The following PCDH11X variants were observed in gnomAD, a reference collection of about 807,000 sequenced individuals.
The protein encoded by PCDH11X is protocadherin 11 X-linked, also known as protocadherin-11 X-linked.
Under a neutral mutation model 53.3 loss-of-function variants are expected in PCDH11X, and 18 were observed. The ratio of observed to expected loss-of-function variants is 0.34; its 90% CI spans 0.23 to 0.50. The LOEUF is 0.50. PCDH11X is among the 20% of genes least tolerant of loss of function. The probability of loss-of-function intolerance (pLI) is 0.98; values close to 1 mark genes in which losing one functional copy is unlikely to be tolerated. For synonymous variants in PCDH11X, 279 were observed against 393.3 expected (o/e 0.71, Z 3.44); for missense variants, 570 against 1,032.4 (o/e 0.55, Z 6.14).
At chrX:92,036,902 A>G (rs34278590) in intron 6 of PCDH11X, among the ~76,000 whole-genome samples, 39,491 of 110,185 alleles carry the variant, frequency 0.36, 7,243 homozygotes, top group African/African-American at 0.67. Context: ...TGAGGAACTT[A>G]TTGGGAACTG....
At chrX:92,102,953 C>T (rs1322195150) in intron 6 of PCDH11X, among the ~76,000 whole-genome samples, 2 of 111,416 alleles carry the variant, frequency 1.8e-5, no homozygotes, top group Non-Finnish European at 3.8e-5. Flanking sequence ...TGTTAACAGG[C>T]TTTAATCCTT....
intron 10 of PCDH11X, among the ~76,000 whole-genome samples, chrX:92,561,997 A>C: frequency 9.3e-6 from 1 of 107,728 alleles, no homozygotes; most frequent in Admixed American, 1.0e-4. Flanking sequence ...TGAGTAATTT[A>C]TAAAGAGAAG....
intron 10 of PCDH11X, among the ~76,000 whole-genome samples, chrX:92,472,898 T>A (rs2073297584): frequency 9.0e-6 from 1 of 110,924 alleles, no homozygotes; most frequent in South Asian, 3.8e-4. Flanking sequence ...TGAATAGGCA[T>A]CTGTTTGTGG....
intron 8 of PCDH11X, among the ~76,000 whole-genome samples, chrX:92,299,146 A>G (rs1209221554): frequency 9.0e-6 from 1 of 111,258 alleles, no homozygotes; most frequent in Non-Finnish European, 1.9e-5. Context: ...CATACTCCCA[A>G]TAAAACTTAT....
chrX:92,248,358 G>A (rs1050875619), intron 7 of PCDH11X, among the ~76,000 whole-genome samples: 1 of 111,760 alleles, frequency 8.9e-6, no homozygotes, highest in Non-Finnish European at 1.9e-5. Context: ...TATATAACTA[G>A]TCTTTAATTA....
In PCDH11X at chrX:91,810,170, T is replaced by A. The variant is rs758258191; in HGVS notation, c.-209-303T>A. On this transcript the variant is annotated intron_variant, in intron 2 of 10. Transcript: ENST00000682573. ...CTTTTCAAAAATTTTAATAGCTTAT[T>A]CCCTGTTAAAGCTAAGAAATACCTT... Among the ~76,000 whole-genome samples, 21 of 111,055 alleles carry A rather than the reference T, an allele frequency of 1.9e-4. No homozygotes were observed. The South Asian group carries it at 8.1e-3, about 43-fold the overall frequency.
At chrX:91,843,714 A>G (rs1452224461) in intron 5 of PCDH11X, among the ~76,000 whole-genome samples, 1 of 110,520 alleles carries the variant, frequency 9.0e-6, no homozygotes. Flanking sequence ...AGAAAAGTTA[A>G]AATTTTATAT....
chrX:92,227,882 T>G, intron 7 of PCDH11X, among the ~76,000 whole-genome samples: 1 of 111,327 alleles, frequency 9.0e-6, no homozygotes, highest in Non-Finnish European at 1.9e-5. Context: ...TGCAAAATAG[T>G]TGTATATATT....
chrX:92,435,291 C>A (rs142914365), intron 9 of PCDH11X, among the ~76,000 whole-genome samples: 2,596 of 110,566 alleles, frequency 0.023, 61 homozygotes, highest in African/African-American at 0.065. Flanking sequence ...GGCATATGTA[C>A]AGAGGCCAAA....
chrX:92,268,416 C>G (rs901546913), intron 8 of PCDH11X, among the ~76,000 whole-genome samples: 2 of 110,689 alleles, frequency 1.8e-5, no homozygotes, highest in African/African-American at 6.6e-5. Flanking sequence ...CTCAGCCTCC[C>G]GAGTAGCTGG....
chrX:92,266,348 C>T (rs765547262), intron 8 of PCDH11X, among the ~76,000 whole-genome samples: 1 of 111,659 alleles, frequency 9.0e-6, no homozygotes, highest in African/African-American at 3.3e-5. Flanking sequence ...AAAAGTAAGG[C>T]AACACATTAT....
intron 7 of PCDH11X, among the ~76,000 whole-genome samples, chrX:92,259,517 A>G (rs773101070): frequency 9.0e-6 from 1 of 111,342 alleles, no homozygotes; most frequent in African/African-American, 3.3e-5. Flanking sequence ...CTCACTCACT[A>G]TCATGAGAAC....
At chrX:91,794,430 T>C (rs1434190965) in intron 1 of PCDH11X, among the ~76,000 whole-genome samples, 3 of 111,569 alleles carry the variant, frequency 2.7e-5, no homozygotes, top group African/African-American at 6.5e-5. Flanking sequence ...AGGAATTATG[T>C]AGTGATTTGA....
chrX:92,160,377 C>CTTA (rs1041732290), intron 6 of PCDH11X, among the ~76,000 whole-genome samples: 1 of 110,414 alleles, frequency 9.1e-6, no homozygotes, highest in African/African-American at 3.3e-5. Flanking sequence ...ATTCTCACAG[C>CTTA]TTAGCTCCCG....
intron 9 of PCDH11X, among the ~76,000 whole-genome samples, chrX:92,446,254 C>T (rs1278228774): frequency 1.8e-5 from 2 of 109,923 alleles, no homozygotes; most frequent in Non-Finnish European, 3.8e-5. Flanking sequence ...AAATAATGTA[C>T]TTCTTTTTGG....
At chrX:92,081,984 C>T (rs936913526) in intron 6 of PCDH11X, among the ~76,000 whole-genome samples, 6 of 110,594 alleles carry the variant, frequency 5.4e-5, no homozygotes, top group Non-Finnish European at 1.1e-4. Flanking sequence ...TTCAATTTAT[C>T]TTTACAACAA....
chrX:92,155,604 G>A (rs2065514919), intron 6 of PCDH11X, among the ~76,000 whole-genome samples: 1 of 91,834 alleles, frequency 1.1e-5, no homozygotes, highest in African/African-American at 4.2e-5. Context: ...TGTCACCTCA[G>A]TTACTTCAAT....
intron 10 of PCDH11X, among the ~76,000 whole-genome samples, chrX:92,512,945 A>G (rs1254860092): frequency 7.2e-5 from 8 of 110,922 alleles, no homozygotes; most frequent in Non-Finnish European, 1.3e-4. Flanking sequence ...TGAAGAGTAA[A>G]TGAGAGATGA....
chrX:91,802,807 C>T (rs1459840889), intron 1 of PCDH11X, among the ~76,000 whole-genome samples: 2 of 111,555 alleles, frequency 1.8e-5, no homozygotes, highest in Non-Finnish European at 3.8e-5. Flanking sequence ...CAGAGAAAAT[C>T]ATAATTATCA....
Sources: gnomAD v4.1 joint callset for allele counts (sites outside exome capture counted in the v4.1 genomes callset) on GRCh38, gnomAD v4.1.1 for gene constraint, MANE v1.5 for transcripts, NCBI Gene and HGNC (gene_info 2026-07-23, HGNC 2026-07-21) for gene names.